The following CHAT variants were observed in gnomAD, a reference collection of about 807,000 sequenced individuals.
CHAT encodes the protein choline O-acetyltransferase.
CHAT carries 61 observed loss-of-function variants against 76.9 expected under a neutral mutation model. The observed-to-expected ratio is 0.79, with a 90% CI of 0.65 to 0.98. The LOEUF (loss-of-function observed/expected upper bound fraction) is 0.98. CHAT is among the 50% of genes least tolerant of loss of function. The pLI, the probability that CHAT is intolerant of heterozygous loss-of-function variation, is 0.00. For missense variants in CHAT, 946 were observed against 986.9 expected (o/e 0.96, Z 0.56); for synonymous variants, 407 against 397.4 (o/e 1.02, Z -0.29).
At chr10:49,658,115 C>T (rs1366233482) in intron 13 of CHAT, among the ~76,000 whole-genome samples, 1 of 152,228 alleles carries the variant, frequency 6.6e-6, no homozygotes, top group African/African-American at 2.4e-5. Flanking sequence ...GGCACAGTGG[C>T]TTATGCCTGT....
At chr10:49,653,585 CTT>C (rs1330941536) in intron 11 of CHAT, among the ~76,000 whole-genome samples, 2 of 152,244 alleles carry the variant, frequency 1.3e-5, no homozygotes, top group African/African-American at 4.8e-5. Flanking sequence ...AGTGCAGCCA[CTT>C]TGAGTGTCTG....
At chr10:49,642,494 C>T (rs890300252) in intron 7 of CHAT, among the ~76,000 whole-genome samples, 1 of 152,262 alleles carries the variant, frequency 6.6e-6, no homozygotes, top group Non-Finnish European at 1.5e-5. Flanking sequence ...TCAGTGCCTC[C>T]TCACAATCTG....
upstream of CHAT, chr10:49,611,505 C>T (rs1439296510): frequency 8.7e-6 from 14 of 1,600,896 alleles, no homozygotes; most frequent in South Asian, 1.2e-4. Flanking sequence ...CGCTCTTTGA[C>T]GCGCTGTTGC....
chr10:49,648,661 G>C, intron 9 of CHAT, 54 bp downstream of exon 9: 1 of 1,184,972 alleles, frequency 8.4e-7, no homozygotes, highest in Non-Finnish European at 1.2e-6. Context: ...GTGGGTGGTC[G>C]CTGGGGGCTG....
At chr10:49,621,250 G>A (rs570148622) in intron 4 of CHAT, among the ~76,000 whole-genome samples, 33 of 152,246 alleles carry the variant, frequency 2.2e-4, no homozygotes, top group African/African-American at 6.7e-4. Context: ...AAAGTGGCCC[G>A]AGGACAAGAG....
chr10:49,610,841 T>A, upstream of CHAT: 1 of 1,611,224 alleles, frequency 6.2e-7, no homozygotes, highest in Non-Finnish European at 8.5e-7. Context: ...CAGAGGCGCC[T>A]GGTGCTTGTT....
intron 5 of CHAT, among the ~76,000 whole-genome samples, chr10:49,623,371 T>A (rs1838798401): frequency 6.6e-6 from 1 of 152,168 alleles, no homozygotes; most frequent in Non-Finnish European, 1.5e-5. Flanking sequence ...GAGGTTCCCA[T>A]GTCCAATGAT....
chr10:49,643,978 C>T (rs1223472155), intron 7 of CHAT, among the ~76,000 whole-genome samples: 1 of 152,192 alleles, frequency 6.6e-6, no homozygotes, highest in Non-Finnish European at 1.5e-5. Flanking sequence ...GGGTCATGTG[C>T]TGTGCAGCAG....
chr10:49,612,081 C>G, upstream of CHAT: 1 of 1,613,524 alleles, frequency 6.2e-7, no homozygotes, highest in Non-Finnish European at 8.5e-7. Context: ...ACTCGCTGGG[C>G]TTTGAGCAGC....
rs768665020 is a variant in CHAT, at chr10:49,627,648, G to A, written c.974G>A (p.Ser325Asn). The A allele has an allele frequency of 6.2e-7, 1 of 1,614,192 alleles. No homozygotes were observed. The highest frequency in any genetic ancestry group is 8.5e-7 in the Non-Finnish European group (1 of 1,180,010). ...LDVVINFRRL[S>N]EGDLFTQLRK... ...GTTGTCATTAATTTCCGCCGTCTCA[G>A]TGAGGGGGATCTGTTCACTCAGTTG... The change falls in exon 7 of 15, where the codon AGT becomes AAT. Residue 325 changes from serine (S) to asparagine (N), a missense_variant. Physicochemically the swap from Ser to Asn is conservative, Grantham distance 46 (BLOSUM62 1). Coordinates refer to ENST00000337653, the MANE Select transcript of CHAT (RefSeq NM_020549.5).
chr10:49,611,376 T>C (rs8187727), upstream of CHAT: 1,520 of 1,599,692 alleles, frequency 9.5e-4, 12 homozygotes, highest in African/African-American at 0.018. Flanking sequence ...AGCGCAGTCG[T>C]GCACTGGGCG....
chr10:49,609,814 C>T (rs1029863331), upstream of CHAT, among the ~76,000 whole-genome samples: 1 of 152,144 alleles, frequency 6.6e-6, no homozygotes, highest in African/African-American at 2.4e-5. Context: ...GGACGCGGCT[C>T]CACAATCCAG....
At chr10:49,641,502 C>G (rs1409458829) in intron 7 of CHAT, among the ~76,000 whole-genome samples, 2 of 152,172 alleles carry the variant, frequency 1.3e-5, no homozygotes, top group Non-Finnish European at 2.9e-5. Flanking sequence ...CAAAGCAGTT[C>G]TGTTTTGCAA....
At chr10:49,641,331 G>A (rs1035335170) in intron 7 of CHAT, among the ~76,000 whole-genome samples, 2 of 152,192 alleles carry the variant, frequency 1.3e-5, no homozygotes, top group Admixed American at 1.3e-4. Context: ...TGAGGTCCCT[G>A]GCTGGTCTGC....
rs147079245 is a variant in CHAT, at chr10:49,655,114, C to T, written c.1654C>T (p.Pro552Ser). 1.1e-4 allele frequency: 181 copies of T among 1,614,118 alleles called. 3 individuals carry two copies. In the Admixed American group the frequency reaches 1.6e-3, roughly 14 times the overall value. ...ACGCAGGCTCCATCGAAGACTGGTG[C>T]CCACCTACGAGAGCGCGTCCATCCG... ...AFYRLHRRLV[P>S]TYESASIRRF... Residue 552 changes from proline to serine, a missense_variant, in exon 12 of 15, where the codon CCC becomes TCC. This residue lies in a region of CHAT where 349 missense variants were observed against 393.9 expected (regional missense o/e 0.89). Coordinates refer to ENST00000337653, the MANE Select transcript of CHAT (RefSeq NM_020549.5).
rs1429339523 is a variant in CHAT, at chr10:49,614,472, G to T, written c.283G>T (p.Ala95Ser). 6.5e-6 allele frequency: 10 copies of T among 1,546,028 alleles called. No individual in the cohort carries two copies. Among genetic ancestry groups the T allele is most frequent in the Admixed American group, 2.0e-5 (1 of 51,044 alleles). The change falls in exon 1 of 15, where the codon GCA becomes TCA. Residue 95 changes from alanine (A) to serine (S), a missense_variant. Around this residue, in one of 3 missense-constraint regions of CHAT, gnomAD observed 548 missense variants for 516.2 expected, o/e 1.06. Transcript: ENST00000337653. ...ASAEAAEPRR[A>S]GPHLCIPAPG... is the part of the protein sequence containing the mutation. ...GGCCGAGGCAGCAGAGCCGAGGAGA[G>T]CAGGTGAGAAGAAGGGCTGGGCTGG...
upstream of CHAT, chr10:49,611,873 G>T: frequency 1.2e-6 from 2 of 1,608,580 alleles, no homozygotes; most frequent in Non-Finnish European, 8.5e-7. Context: ...CCCGCCTGCC[G>T]CTCCTTCGCG....
At chr10:49,639,573 G>T (rs1839412762) in intron 7 of CHAT, among the ~76,000 whole-genome samples, 1 of 142,896 alleles carries the variant, frequency 7.0e-6, no homozygotes. Context: ...ACACACATAT[G>T]GGTGTGTGTG....
chr10:49,620,519 A>C lies in CHAT; in HGVS notation c.604A>C (p.Met202Leu). 1.2e-6 allele frequency: 2 copies of C among 1,613,676 alleles called. No individual in the cohort carries two copies. The highest frequency in any genetic ancestry group is 8.5e-7 in the Non-Finnish European group (1 of 1,179,734). ...GGTGTCTGAGTACTGGCTGAATGAC[A>C]TGTATCTCAACAACCGCCTGGCCCT... is the stretch of plus-strand genomic sequence containing the variant. ...NWVSEYWLND[M>L]YLNNRLALPV... The change falls in exon 4 of 15, where the codon ATG (methionine) becomes CTG (leucine). Residue 202 changes from methionine to leucine, a missense_variant. Met to Leu is a conservative substitution (Grantham distance 15). Transcript: ENST00000337653.
Sources: gnomAD v4.1 joint callset for allele counts (sites outside exome capture counted in the v4.1 genomes callset) on GRCh38, gnomAD v4.1.1 for gene constraint, gnomAD v4.1.1 regional missense constraint, MANE v1.5 for transcripts, NCBI Gene and HGNC (gene_info 2026-07-23, HGNC 2026-07-21) for gene names.